SLC23A2: variants seen among roughly 807,000 people sequenced by gnomAD.
SLC23A2 encodes the protein Na(+)/L-ascorbic acid transporter 2.
Under a neutral mutation model 73.3 loss-of-function variants are expected in SLC23A2, and 36 were observed. The ratio of observed to expected loss-of-function variants is 0.49; its 90% CI spans 0.38 to 0.65. The LOEUF is 0.65. SLC23A2 is among the 30% of genes least tolerant of loss of function. The pLI, the probability that SLC23A2 is intolerant of heterozygous loss-of-function variation, is 0.00. For missense variants in SLC23A2, 507 were observed against 841.6 expected (o/e 0.60, Z 4.92); for synonymous variants, 343 against 327.3 (o/e 1.05, Z -0.52).
chr20:5,009,337 T>C (rs1011350795), intron 1 of SLC23A2, among the ~76,000 whole-genome samples: 5 of 152,216 alleles, frequency 3.3e-5, no homozygotes, highest in Non-Finnish European at 7.3e-5. Flanking sequence ...ACATTTCTAC[T>C]GCCTGGATCT....
chr20:4,964,491 C>A (rs529005774), intron 2 of SLC23A2, among the ~76,000 whole-genome samples: 1 of 151,892 alleles, frequency 6.6e-6, no homozygotes, highest in Non-Finnish European at 1.5e-5. Context: ...AATATTAATG[C>A]CTAAAATAGA....
At chr20:4,982,416 T>C (rs999476237) in intron 1 of SLC23A2, among the ~76,000 whole-genome samples, 4 of 152,212 alleles carry the variant, frequency 2.6e-5, no homozygotes, top group African/African-American at 9.7e-5. Context: ...CAGTTAAAAA[T>C]ATGTAATTCT....
chr20:4,983,447 C>T lies in SLC23A2; in HGVS notation c.-281-12528G>A, dbSNP rs527327737. ...AGATCACAAGGTGAGGAGATCGAGA[C>T]CATCCTGGCCAACACGGTGAAACCC... On this transcript the variant is annotated intron_variant, in intron 1 of 16. Transcript: ENST00000338244. Among the ~76,000 whole-genome samples the T allele has an allele frequency of 8.0e-5, 12 of 149,230 alleles. No homozygotes were observed. The East Asian group carries it at 1.0e-3, about 13-fold the overall frequency.
chr20:4,932,494 G>A lies in SLC23A2; in HGVS notation c.69C>T (p.Tyr23=), dbSNP rs755713158. 1.3e-5 allele frequency: 21 copies of A among 1,608,430 alleles called. No individual in the cohort carries two copies. Among genetic ancestry groups the A allele is most frequent in the Middle Eastern group, 1.6e-4 (1 of 6,076 alleles). Residue 23 remains tyrosine, a synonymous_variant, in exon 3 of 17, where the codon TAC becomes TAT. Transcript: ENST00000338244. ...AAGCTGGGTGCTTTGCCTCGTCTTC[G>A]TATTTGCCTTCTGTTGAACTTCCAG... ...MEAGSSTEGK[Y]EDEAKHPAFF...
intron 2 of SLC23A2, among the ~76,000 whole-genome samples, chr20:4,936,058 G>A (rs140593738): frequency 9.9e-5 from 15 of 152,006 alleles, no homozygotes; most frequent in South Asian, 2.1e-4. Flanking sequence ...TTTTATCCCC[G>A]CTTTTTGTTT....
At chr20:4,977,264 C>G (rs896583649) in intron 1 of SLC23A2, among the ~76,000 whole-genome samples, 1 of 152,166 alleles carries the variant, frequency 6.6e-6, no homozygotes, top group African/African-American at 2.4e-5. Context: ...GATAGGCATT[C>G]TAGGACACTT....
At chr20:4,874,817 A>G in intron 9 of SLC23A2, 121 bp from the exon 10 acceptor site, 1 of 752,070 alleles carries the variant, frequency 1.3e-6, no homozygotes, top group Non-Finnish European at 2.1e-6. Context: ...GAAAGCTGCT[A>G]GTCCTCTGAA....
chr20:4,891,681 G>A (rs1931337126), intron 6 of SLC23A2, among the ~76,000 whole-genome samples: 1 of 152,226 alleles, frequency 6.6e-6, no homozygotes, highest in South Asian at 2.1e-4. Flanking sequence ...TCCCAGTGGG[G>A]AAAACTAAGA....
chr20:4,888,126 A>G (rs1931178226), intron 6 of SLC23A2, among the ~76,000 whole-genome samples: 1 of 152,152 alleles, frequency 6.6e-6, no homozygotes, highest in African/African-American at 2.4e-5. Flanking sequence ...TTTATTTTGT[A>G]CTAAAGACTG....
In SLC23A2 at chr20:4,856,266, C is replaced by T. The variant is rs965813060; in HGVS notation, c.*706G>A. On this transcript the variant is annotated 3_prime_UTR_variant, in exon 17 of 17. Transcript: ENST00000338244. The surrounding 1 kb of genome is among the most constrained non-coding windows in gnomAD (Gnocchi z 4.6). ...AGAGGCCAGTGTGCACGTGCTGGCC[C>T]GGTCAGGGCCAGGGTGGCCAAGAGA... 3.9e-5 allele frequency: 6 copies of T among 152,198 alleles called. No homozygotes were observed. The highest frequency in any genetic ancestry group is 1.3e-4 in the Admixed American group (2 of 15,280). 9.4% of individuals were successfully genotyped at this position (152,198 alleles called of 1,614,324 possible). A position where few individuals can be genotyped will look rare whatever the true frequency, so the allele number is the denominator to read the frequency against.
At chr20:5,005,959 C>G (rs2088186652), upstream of SLC23A2, among the ~76,000 whole-genome samples, 1 of 151,554 alleles carries the variant, frequency 6.6e-6, no homozygotes, top group Admixed American at 6.6e-5. Context: ...GTACTCCAGC[C>G]TGGGCAACAA....
intron 11 of SLC23A2, 107 bp from the exon 12 acceptor site, chr20:4,870,160 T>G: frequency 1.1e-6 from 1 of 932,870 alleles, no homozygotes; most frequent in Non-Finnish European, 1.6e-6. Context: ...CAAGATCCAC[T>G]TGGATTCTGA....
intron 1 of SLC23A2, among the ~76,000 whole-genome samples, chr20:5,007,913 CTT>C (rs748144764): frequency 1.4e-5 from 2 of 145,488 alleles, no homozygotes. Flanking sequence ...ATAAAATTAA[CTT>C]TTTTTTTTTT....
intron 1 of SLC23A2, among the ~76,000 whole-genome samples, chr20:4,983,939 AG>A (rs2087776353): frequency 2.0e-5 from 3 of 151,468 alleles, no homozygotes; most frequent in Non-Finnish European, 4.4e-5. Context: ...CTGGGCAACA[AG>A]AGTAAAACTG....
rs2087549810 is a variant in SLC23A2 at position 4,970,848 on chromosome 20, A to G, written c.-210T>C. 1 of 152,244 alleles carries G rather than the reference A, an allele frequency of 6.6e-6. No individual in the cohort carries two copies. The highest frequency in any genetic ancestry group is 2.4e-5 in the African/African-American group (1 of 41,456). 9.4% of individuals were successfully genotyped at this position (152,244 alleles called of 1,614,324 possible). On this transcript the variant is annotated 5_prime_UTR_variant, in exon 2 of 17. The change abolishes the stop of an existing upstream ORF in the 5' untranslated region. Coordinates refer to ENST00000338244, the MANE Select transcript of SLC23A2 (RefSeq NM_005116.6). ...GCTTTCCATTACAATTCGCTGAGTT[A>G]CATTTGCTTATGCACCAAGGTCCAA...
chr20:4,953,033 C>T (rs1182234971), intron 2 of SLC23A2, among the ~76,000 whole-genome samples: 10 of 151,064 alleles, frequency 6.6e-5, no homozygotes, highest in African/African-American at 2.2e-4. Context: ...AAAGGCCTGG[C>T]GCGGTGACTC....
intron 3 of SLC23A2, among the ~76,000 whole-genome samples, chr20:4,920,384 A>T (rs1932463446): frequency 6.6e-6 from 1 of 152,224 alleles, no homozygotes; most frequent in African/African-American, 2.4e-5. Context: ...TCCTCAACAG[A>T]GGGCAATTTG....
chr20:4,975,033 C>T lies in SLC23A2; in HGVS notation c.-281-4114G>A, dbSNP rs182274866. ...AACTCCTGACCTCAAGTGATCCACC[C>T]GCCTTGGTCTCCCAAAATGCTGGAT... On this transcript the variant is annotated intron_variant, in intron 1 of 16. Transcript: ENST00000338244. 1.2e-3 allele frequency among the ~76,000 whole-genome samples: 180 copies of T among 152,224 alleles called. 2 individuals carry two copies. Among genetic ancestry groups the T allele is most frequent in the African/African-American group, 4.0e-3 (165 of 41,548 alleles).
intron 2 of SLC23A2, among the ~76,000 whole-genome samples, chr20:4,962,771 A>AG (rs11482448): frequency 0.54 from 81,600 of 151,556 alleles, 22,134 homozygotes; most frequent in Admixed American, 0.58. Context: ...GGTCGAGGCA[A>AG]TGGATCACCT....
Sources: gnomAD v4.1 joint callset for allele counts (sites outside exome capture counted in the v4.1 genomes callset) on GRCh38, gnomAD v4.1.1 for gene constraint, Gnocchi (gnomAD v3.1) non-coding constraint, MANE v1.5 for transcripts, NCBI Gene and HGNC (gene_info 2026-07-23, HGNC 2026-07-21) for gene names.